DDB1: variants seen among roughly 807,000 people sequenced by gnomAD.
DDB1 encodes damage specific DNA binding protein 1, also known as DNA damage-binding protein 1.
A neutral mutation model predicts 133.1 loss-of-function variants in DDB1; 18 were observed. That is an observed-to-expected ratio of 0.14 (90% CI 0.09 to 0.20). DDB1 has a LOEUF of 0.20. DDB1 is among the 10% of genes least tolerant of loss of function. The probability of loss-of-function intolerance (pLI) is 1.00; values close to 1 mark genes in which losing one functional copy is unlikely to be tolerated. For missense variants in DDB1, 828 were observed against 1,459.2 expected (o/e 0.57, Z 7.05); for synonymous variants, 580 against 550.5 (o/e 1.05, Z -0.75).
chr11:61,312,378 G>A (rs929502607), intron 16 of DDB1, among the ~76,000 whole-genome samples: 6 of 152,296 alleles, frequency 3.9e-5, no homozygotes, highest in Non-Finnish European at 5.9e-5. Context: ...ACTACTGCCT[G>A]TGTCAGAGTT....
At position 61,332,743 on chromosome 11, in the gene DDB1, C is replaced by T. The variant is rs1474073967; in HGVS notation, c.61+165G>A. 14 of 527,142 alleles carry T rather than the reference C, an allele frequency of 2.7e-5. 1 individual carries two copies. In the Admixed American group the frequency reaches 5.8e-4, roughly 22 times the overall value. 32.7% of individuals were successfully genotyped at this position (527,142 alleles called of 1,614,324 possible). ...AACCCCCAAAAAGCGCGTACAGGGA[C>T]GACTCTTTCGAGGTCGCGGTGCTGG... On this transcript the variant is annotated intron_variant, in intron 1 of 26. Coordinates refer to ENST00000301764, the MANE Select transcript of DDB1 (RefSeq NM_001923.5).
chr11:61,320,886 CTT>C (rs781113068), intron 10 of DDB1, among the ~76,000 whole-genome samples: 45 of 143,644 alleles, frequency 3.1e-4, no homozygotes, highest in Admixed American at 2.8e-4. Flanking sequence ...TGTAGCCTCT[CTT>C]TTTTTTTTTT....
At chr11:61,330,302 T>A (rs1056559765) in intron 2 of DDB1, 4 of 393,902 alleles carry the variant, frequency 1.0e-5, no homozygotes, top group Non-Finnish European at 1.4e-5. Flanking sequence ...TTCATGATTC[T>A]CCATCTCTCT....
At chr11:61,323,215 T>C (rs767086427) in intron 7 of DDB1, 121 bp from the exon 8 acceptor site, 1 of 798,064 alleles carries the variant, frequency 1.3e-6, no homozygotes, top group South Asian at 1.5e-5. Context: ...TCAGAACAGT[T>C]CTGTTTCAAA....
intron 6 of DDB1, 69 bp from the exon 7 acceptor site, chr11:61,324,206 A>T: frequency 6.3e-7 from 1 of 1,575,958 alleles, no homozygotes; most frequent in Non-Finnish European, 8.7e-7. Context: ...ACCCTACTGG[A>T]CCACTCCCTT....
intron 10 of DDB1, among the ~76,000 whole-genome samples, chr11:61,317,184 G>A (rs1856102357): frequency 6.6e-6 from 1 of 151,718 alleles, no homozygotes; most frequent in African/African-American, 2.4e-5. Context: ...CCCGATCTCA[G>A]CTCACTGCAA....
chr11:61,316,302 G>A lies in DDB1; in HGVS notation c.1393C>T (p.His465Tyr). 1 of 1,614,180 alleles carries A rather than the reference G, an allele frequency of 6.2e-7. No homozygotes were observed. The highest frequency in any genetic ancestry group is 2.2e-5 in the East Asian group (1 of 44,886). Residue 465 changes from histidine (H) to tyrosine (Y), a missense_variant, in exon 12 of 27, where the codon CAT becomes TAT. By Grantham distance (83) the His-to-Tyr change is moderately conservative. Coordinates refer to ENST00000301764, the MANE Select transcript of DDB1 (RefSeq NM_001923.5). ...QQTFFCGNVA[H>Y]QQLIQITSAS... ...GTTATCACCTGGATAAGCTGCTGAT[G>A]AGCCACGTTGCCACAGAAGAAAGTC...
Position 61,331,025 on chromosome 11 carries a change from T to C in DDB1, c.210+518A>G, listed in dbSNP as rs28720253. 3.3e-3 allele frequency among the ~76,000 whole-genome samples: 495 copies of C among 152,278 alleles called. 1 individual carries two copies. The highest frequency in any genetic ancestry group is 0.014 in the Middle Eastern group (4 of 292). On this transcript the variant is annotated intron_variant, in intron 2 of 26. Transcript: ENST00000301764. ...CCTATGTTACTGAATCATTTCATCG[T>C]CACAACAACCCAGGGGATTTGATCT...
rs778300920 is a variant in DDB1 at position 61,309,787 on chromosome 11, C to T, written c.2566+9G>A. On this transcript the variant is annotated intron_variant, in intron 20 of 26. Transcript: ENST00000301764. ...CATCCCTCAGAAACTGGAGACTGCG[C>T]CCACTTACCATCCGAATACTGAAAG... 1 of 1,608,454 alleles carries T rather than the reference C, an allele frequency of 6.2e-7. No individual in the cohort carries two copies. The highest frequency in any genetic ancestry group is 2.2e-5 in the East Asian group (1 of 44,790).
At chr11:61,300,317 C>T in intron 26 of DDB1, 98 bp from the exon 27 acceptor site, 1 of 1,253,438 alleles carries the variant, frequency 8.0e-7, no homozygotes, top group Non-Finnish European at 1.1e-6. Flanking sequence ...CAAGACTCCA[C>T]CATTGTCATG....
Position 61,302,251 on chromosome 11 carries a change from G to A in DDB1, c.3215+6C>T. ...CCCAGCAAGGGGATGGCTCTGGGAA[G>A]GATATAAGGAGTGCTCGATCTTCCC... is the stretch of plus-strand genomic sequence containing the variant. On this transcript the variant is annotated splice_donor_region_variant and intron_variant, in intron 25 of 26. Transcript: ENST00000301764. 6.2e-7 allele frequency: 1 copy of A among 1,612,788 alleles called. No individual in the cohort carries two copies. The highest frequency in any genetic ancestry group is 8.5e-7 in the Non-Finnish European group (1 of 1,178,740).
chr11:61,326,441 C>T (rs975186041), intron 5 of DDB1, among the ~76,000 whole-genome samples: 2 of 152,016 alleles, frequency 1.3e-5, no homozygotes, highest in Admixed American at 6.6e-5. Flanking sequence ...TAGATCCTGG[C>T]TTCCTTTCAG....
chr11:61,326,672 A>G (rs532729006), intron 5 of DDB1, 107 bp downstream of exon 5: 6 of 868,226 alleles, frequency 6.9e-6, no homozygotes, highest in Non-Finnish European at 1.2e-5. Flanking sequence ...CACACCTTCA[A>G]TAATACCGAG....
chr11:61,322,143 C>CT (rs1856190520), intron 9 of DDB1, 153 bp downstream of exon 9: 5 of 687,692 alleles, frequency 7.3e-6, no homozygotes, highest in Non-Finnish European at 1.3e-5. Flanking sequence ...GATAGGCACT[C>CT]AATAAACAGT....
rs760616151 is a variant in DDB1, at chr11:61,330,146, CACCAAATTCTTTAAGAATTT to C, written c.211-92_211-73del. On this transcript the variant is annotated intron_variant, in intron 2 of 26. Transcript: ENST00000301764. ...GAACAACCTGTCCAGTCTTTAAGCA[CACCAAATTCTTTAAGAATTT>C]TCCAAATTCTTCTCTCCCTAAAGAG... The C allele has an allele frequency of 1.3e-4, 164 of 1,258,808 alleles. No individual in the cohort carries two copies. The Middle Eastern group carries it at 3.6e-3, about 28-fold the overall frequency. The allele number at this position is 1,258,808 out of a possible 1,614,324, so 78.0% of individuals were successfully genotyped here. A position where few individuals can be genotyped will look rare whatever the true frequency, so the allele number is the denominator to read the frequency against.
chr11:61,331,615 G>A lies in DDB1; in HGVS notation c.138C>T (p.Ala46=), dbSNP rs756087158. Residue 46 remains alanine, a synonymous_variant, in exon 2 of 27, where the codon GCC becomes GCT. Coordinates refer to ENST00000301764, the MANE Select transcript of DDB1 (RefSeq NM_001923.5). ...NTRLEIYVVT[A]EGLRPVKEVG... is the part of the protein sequence containing the mutation. Reference sequence around the variant, plus strand: ...CCTCTTTGACGGGCCGAAGCCCCTCGGCGGTGACCACATAGATCTCTAATC... The same window carrying A: ...CCTCTTTGACGGGCCGAAGCCCCTCAGCGGTGACCACATAGATCTCTAATC... The A allele has an allele frequency of 2.3e-5, 37 of 1,613,976 alleles. No homozygotes were observed. Among genetic ancestry groups the A allele is most frequent in the Admixed American group, 1.5e-4 (9 of 59,980 alleles).
At position 61,329,943 on chromosome 11, in the gene DDB1, A is replaced by C. The variant is rs765947371; in HGVS notation, c.327+15T>G. On this transcript the variant is annotated intron_variant, in intron 3 of 26. Coordinates refer to ENST00000301764, the MANE Select transcript of DDB1 (RefSeq NM_001923.5). Reference sequence around the variant, plus strand: ...TACTTAGAAAACTTTCATTGGCCTAAAGCAGCCACCTCACCTGGACATTGC... The same window carrying C: ...TACTTAGAAAACTTTCATTGGCCTACAGCAGCCACCTCACCTGGACATTGC... 2 of 1,603,468 alleles carry C rather than the reference A, an allele frequency of 1.2e-6. No homozygotes were observed. The highest frequency in any genetic ancestry group is 1.7e-6 in the Non-Finnish European group (2 of 1,171,652).
chr11:61,302,113 A>G (rs1387346803), intron 25 of DDB1, 144 bp downstream of exon 25: 1 of 677,134 alleles, frequency 1.5e-6, no homozygotes, highest in African/African-American at 1.8e-5. Context: ...TCCACATGAA[A>G]AAGTCAAAAA....
In DDB1 at chr11:61,314,482, G is replaced by C. The variant is rs201514514; in HGVS notation, c.1415C>G (p.Thr472Ser). The part of the protein sequence containing the change: ...NVAHQQLIQI[T>S]SASVRLVSQE... ...AGAGACCAACCTCACCGATGCTGAA[G>C]TGATCTAGATAAACAGCAGATGAAC... The change falls in exon 13 of 27, where the codon ACT becomes AGT. Residue 472 changes from threonine (T) to serine (S), a missense_variant. By Grantham distance (58) the Thr-to-Ser change is moderately conservative (BLOSUM62 1). Coordinates refer to ENST00000301764, the MANE Select transcript of DDB1 (RefSeq NM_001923.5). The C allele has an allele frequency of 6.2e-7, 1 of 1,611,082 alleles. No homozygotes were observed.
Sources: allele counts gnomAD v4.1 joint callset (sites outside exome capture counted in the v4.1 genomes callset), GRCh38; gene constraint gnomAD v4.1.1; transcripts MANE v1.5; gene names NCBI Gene and HGNC (gene_info 2026-07-23, HGNC 2026-07-21).